FAM135A: variants seen among roughly 807,000 people sequenced by gnomAD.
FAM135A encodes protein FAM135A.
Under a neutral mutation model 146.8 loss-of-function variants are expected in FAM135A, and 79 were observed. The ratio of observed to expected loss-of-function variants is 0.54; its 90% CI spans 0.45 to 0.65. The LOEUF (loss-of-function observed/expected upper bound fraction) is 0.65, where lower values mean the gene tolerates loss of function less well. Among genes scored for constraint, FAM135A ranks in the 30% least tolerant of loss-of-function variants. The pLI, the probability that FAM135A is intolerant of heterozygous loss-of-function variation, is 0.00. For synonymous variants in FAM135A, 562 were observed against 603.6 expected, an observed-to-expected ratio of 0.93 and a Z score of 1.01; for missense variants, 1,623 against 1,758.2, an observed-to-expected ratio of 0.92 and a Z score of 1.38.
Position 70,491,095 on chromosome 6 carries a change from T to TTTTAAATTC in FAM135A, c.873+13_873+21dup, listed in dbSNP as rs1785837488. 3.1e-6 allele frequency: 5 copies of TTTTAAATTC among 1,591,658 alleles called. No individual in the cohort carries two copies. Among genetic ancestry groups the TTTTAAATTC allele is most frequent in the Middle Eastern group, 1.7e-4 (1 of 6,032 alleles). ...GTGAAGAAGTTAAGGTACTTGGATTTTTTAAATTCACATCATCAAGTTATT... is the reference window on the plus strand; with the variant it reads ...GTGAAGAAGTTAAGGTACTTGGATTTTTTAAATTCTTTAAATTCACATCATCAAGTTATT... On this transcript the variant is annotated intron_variant, in intron 11 of 21. Transcript: ENST00000418814.
intron 11 of FAM135A, among the ~76,000 whole-genome samples, chr6:70,491,866 A>G (rs912999217): frequency 6.6e-6 from 1 of 151,888 alleles, no homozygotes; most frequent in African/African-American, 2.4e-5. Flanking sequence ...TGCAGTTAAT[A>G]TGAAATCATC....
At chr6:70,494,615 T>C (rs1786798399) in intron 11 of FAM135A, among the ~76,000 whole-genome samples, 1 of 152,012 alleles carries the variant, frequency 6.6e-6, no homozygotes, top group Non-Finnish European at 1.5e-5. Context: ...AAGAATTATA[T>C]TATTATTTAT....
At chr6:70,510,703 C>T (rs1232803460) in intron 12 of FAM135A, among the ~76,000 whole-genome samples, 1 of 152,028 alleles carries the variant, frequency 6.6e-6, no homozygotes, top group African/African-American at 2.4e-5. Flanking sequence ...CTATTGACTA[C>T]TATGAATAGT....
intron 20 of FAM135A, among the ~76,000 whole-genome samples, chr6:70,554,160 A>G (rs565675284): frequency 2.2e-4 from 33 of 152,100 alleles, no homozygotes; most frequent in African/African-American, 7.7e-4. Context: ...AAAATGTCAT[A>G]TATGCCTGAA....
At chr6:70,433,150 C>T (rs1772093005) in intron 4 of FAM135A, among the ~76,000 whole-genome samples, 1 of 151,516 alleles carries the variant, frequency 6.6e-6, no homozygotes, top group South Asian at 2.1e-4. Context: ...TCTCGGCTCA[C>T]TGCAAGCTCC....
At chr6:70,501,754 G>A (rs1251351811) in intron 11 of FAM135A, among the ~76,000 whole-genome samples, 20 of 152,000 alleles carry the variant, frequency 1.3e-4, no homozygotes, top group Admixed American at 1.2e-3. Context: ...TTCTCGTAAC[G>A]CCCCACCCTG....
intron 20 of FAM135A, among the ~76,000 whole-genome samples, chr6:70,542,799 C>T (rs1269476861): frequency 6.6e-6 from 1 of 152,148 alleles, no homozygotes. Flanking sequence ...TTGGCCGCCT[C>T]TCCTGTTGTC....
intron 5 of FAM135A, among the ~76,000 whole-genome samples, chr6:70,466,784 T>G (rs778950661): frequency 6.1e-4 from 93 of 152,296 alleles, no homozygotes; most frequent in Admixed American, 1.4e-3. Flanking sequence ...GAAACTTCAT[T>G]AGTACACCTT....
chr6:70,535,819 G>C (rs958302264), intron 18 of FAM135A: 1 of 152,974 alleles, frequency 6.5e-6, no homozygotes, highest in African/African-American at 2.4e-5. Context: ...TTGAAGTATA[G>C]ACCAGAGAAT....
chr6:70,422,878 T>C (rs985651795), intron 2 of FAM135A, among the ~76,000 whole-genome samples: 33 of 152,226 alleles, frequency 2.2e-4, no homozygotes, highest in Non-Finnish European at 7.3e-5. Context: ...CGTGGAACTT[T>C]CATTTTAGTG....
intron 10 of FAM135A, among the ~76,000 whole-genome samples, chr6:70,485,822 G>C (rs1041320232): frequency 1.3e-5 from 2 of 152,078 alleles, no homozygotes; most frequent in Non-Finnish European, 2.9e-5. Context: ...TGAGAGTCAG[G>C]AGTTCTGGAA....
chr6:70,437,986 A>AT (rs1305558722), intron 4 of FAM135A, among the ~76,000 whole-genome samples: 1 of 152,208 alleles, frequency 6.6e-6, no homozygotes, highest in African/African-American at 2.4e-5. Flanking sequence ...CCATATATTC[A>AT]TTTTTTCGAG....
chr6:70,524,545 A>G lies in FAM135A; in HGVS notation c.1461A>G (p.Ser487=), dbSNP rs139515844. The change falls in exon 15 of 22, where the codon TCA becomes TCG. Residue 487 remains serine (S), a synonymous_variant. Transcript: ENST00000418814. ...CTCTAAAAGGAAAGAATGAAGAATC[A>G]AATAAATCCAAAGTTAAGGTTACTA... ...TKSLKGKNEE[S]NKSKVKVTKL... is the part of the protein sequence containing the mutation. 777 of 1,550,040 alleles carry G rather than the reference A, an allele frequency of 5.0e-4. 7 individuals carry two copies. In the East Asian group the frequency reaches 0.017, roughly 34 times the overall value.
intron 5 of FAM135A, among the ~76,000 whole-genome samples, chr6:70,461,901 G>A (rs1779516809): frequency 6.6e-6 from 1 of 152,152 alleles, no homozygotes; most frequent in Admixed American, 6.5e-5. Context: ...TTCTCACAGT[G>A]TGTATGTAAA....
intron 15 of FAM135A, among the ~76,000 whole-genome samples, chr6:70,526,972 G>A (rs1794882467): frequency 6.6e-6 from 1 of 151,964 alleles, no homozygotes. Context: ...CTGTTCTGCT[G>A]TTCTATAGGA....
intron 4 of FAM135A, among the ~76,000 whole-genome samples, chr6:70,435,061 ACG>A (rs1772652902): frequency 2.2e-5 from 3 of 135,094 alleles, no homozygotes; most frequent in African/African-American, 5.9e-5. Flanking sequence ...TTATATATAT[ACG>A]TGTGTGTGTG....
intron 5 of FAM135A, among the ~76,000 whole-genome samples, chr6:70,453,092 T>TAAAGCATTA (rs1777496116): frequency 1.3e-5 from 2 of 152,176 alleles, no homozygotes; most frequent in African/African-American, 4.8e-5. Flanking sequence ...TTAAAGGGGT[T>TAAAGCATTA]AAGTTAAAAC....
Position 70,533,778 on chromosome 6 carries a change from G to T in FAM135A, c.3889G>T (p.Asp1297Tyr). 6.3e-7 allele frequency: 1 copy of T among 1,585,282 alleles called. No homozygotes were observed. The highest frequency in any genetic ancestry group is 1.2e-5 in the South Asian group (1 of 84,036). Reference protein sequence around the residue: ...RNQNDTFADFDSMTDRLLDEI... With the variant: ...RNQNDTFADFYSMTDRLLDEI... ...TTAGAATGATACTTTTGCTGATTTTGATAGCATGACTGATCGTCTTTTGGA... is the reference window on the plus strand; with the variant it reads ...TTAGAATGATACTTTTGCTGATTTTTATAGCATGACTGATCGTCTTTTGGA... Residue 1297 changes from aspartate (D) to tyrosine (Y), a missense_variant, in exon 18 of 22, where the codon GAT becomes TAT. By Grantham distance (160) the Asp-to-Tyr change is radical. Coordinates refer to ENST00000418814, the MANE Select transcript of FAM135A (RefSeq NM_001162529.3).
At chr6:70,537,325 A>T (rs1439464536) in intron 19 of FAM135A, among the ~76,000 whole-genome samples, 1 of 152,136 alleles carries the variant, frequency 6.6e-6, no homozygotes, top group African/African-American at 2.4e-5. Context: ...GTGAGAATAA[A>T]TTATATTTAA....
Sources: allele counts gnomAD v4.1 joint callset (sites outside exome capture counted in the v4.1 genomes callset), GRCh38; gene constraint gnomAD v4.1.1; transcripts MANE v1.5; gene names NCBI Gene and HGNC (gene_info 2026-07-23, HGNC 2026-07-21).